FLII: variants seen among roughly 807,000 people sequenced by gnomAD.
The protein encoded by FLII is protein flightless-1 homolog.
Under a neutral mutation model 156.2 loss-of-function variants are expected in FLII, and 101 were observed. The ratio of observed to expected loss-of-function variants is 0.65; its 90% CI spans 0.55 to 0.76. The LOEUF is 0.76. Ranked by LOEUF, FLII falls within the 30% of genes least tolerant of loss-of-function variation. The probability of loss-of-function intolerance (pLI) is 0.00; values close to 1 mark genes in which losing one functional copy is unlikely to be tolerated. For synonymous variants in FLII, 767 were observed against 685.8 expected, an observed-to-expected ratio of 1.12 and a Z score of -1.85; for missense variants, 1,675 against 1,682.8, an observed-to-expected ratio of 1.00 and a Z score of 0.08.
At position 18,246,241 on chromosome 17, in the gene FLII, A is replaced by T; in HGVS notation, c.3207-19T>A. ...GATGCACCTGTGGAAGGGATGGGGC[A>T]TCAGCAAGGATTCAGGCCTGGCTCC... is the stretch of plus-strand genomic sequence containing the variant. On this transcript the variant is annotated intron_variant, in intron 24 of 29. Coordinates refer to ENST00000327031, the MANE Select transcript of FLII (RefSeq NM_002018.4). 1 of 1,614,148 alleles carries T rather than the reference A, an allele frequency of 6.2e-7. No individual in the cohort carries two copies. Among genetic ancestry groups the T allele is most frequent in the Non-Finnish European group, 8.5e-7 (1 of 1,180,022 alleles).
upstream of FLII, chr17:18,258,798 C>T (rs2048509487): frequency 9.3e-6 from 6 of 645,642 alleles, no homozygotes; most frequent in Non-Finnish European, 1.3e-5. The surrounding 1 kb of genome is among the most constrained non-coding windows in gnomAD (Gnocchi z 4.2). Flanking sequence ...TTAACCCGCC[C>T]GCGCCCGCCG....
At chr17:18,255,847 C>T (rs1293609016) in intron 3 of FLII, among the ~76,000 whole-genome samples, 1 of 152,232 alleles carries the variant, frequency 6.6e-6, no homozygotes, top group African/African-American at 2.4e-5. Context: ...GCTGCCCCTC[C>T]CAACCACTGC....
rs2048033365 is a variant in FLII, at chr17:18,245,970, G to A, written c.3360C>T (p.Ile1120=). ...DPDEAKLAED[I]LNTMFDTSYS... ...AGGAGGTGTCAAACATGGTGTTCAG[G>A]ATGTCTTCTGCCAACTTGGCTTCGT... Residue 1120 remains isoleucine, a synonymous_variant, in exon 26 of 30, where the codon ATC becomes ATT. Transcript: ENST00000327031. 2 of 1,613,942 alleles carry A rather than the reference G, an allele frequency of 1.2e-6. No homozygotes were observed. The highest frequency in any genetic ancestry group is 1.7e-6 in the Non-Finnish European group (2 of 1,179,996).
rs779710734 is a variant in FLII, at chr17:18,245,239, C to T, written c.3709G>A (p.Glu1237Lys). The change falls in exon 30 of 30, where the codon GAG becomes AAG. Residue 1237 changes from glutamate to lysine, a missense_variant. Physicochemically the swap from Glu to Lys is moderately conservative, Grantham distance 56. Coordinates refer to ENST00000327031, the MANE Select transcript of FLII (RefSeq NM_002018.4). ...YIQHMRSKEH[E>K]RPRRLRLVRK... ...ACCAGGCGCAGCCGGCGCGGCCGCTCATGTTCCTTGGACCGCATGTGCTGG... is the reference window on the plus strand; with the variant it reads ...ACCAGGCGCAGCCGGCGCGGCCGCTTATGTTCCTTGGACCGCATGTGCTGG... The T allele has an allele frequency of 3.7e-6, 6 of 1,613,766 alleles. No individual in the cohort carries two copies. The African/African-American group carries it at 5.3e-5, about 14-fold the overall frequency.
chr17:18,248,477 C>G, intron 18 of FLII, 73 bp downstream of exon 18: 2 of 1,400,730 alleles, frequency 1.4e-6, no homozygotes, highest in East Asian at 2.3e-5. Flanking sequence ...CCAACTACAT[C>G]GGTGTGTAGT....
intron 18 of FLII, among the ~76,000 whole-genome samples, chr17:18,248,297 C>A (rs2746025): frequency 0.28 from 42,472 of 152,062 alleles, 6,319 homozygotes; most frequent in Non-Finnish European, 0.34. Flanking sequence ...ATAATTGAGC[C>A]AAGGTTCCCA....
rs765050095 is a variant in FLII, at chr17:18,246,067, G to A, written c.3268-5C>T. 3 of 1,614,006 alleles carry A rather than the reference G, an allele frequency of 1.9e-6. No homozygotes were observed. The highest frequency in any genetic ancestry group is 1.3e-5 in the African/African-American group (1 of 74,900). ...GTCCTCACTCTCAAAGGGAACCTGG[G>A]GAGTGTGCAGGGGTGGGGGTGTTCG... On this transcript the variant is annotated splice_region_variant and splice_polypyrimidine_tract_variant and intron_variant, in intron 25 of 29. Coordinates refer to ENST00000327031, the MANE Select transcript of FLII (RefSeq NM_002018.4).
intron 1 of FLII, 169 bp from the exon 2 acceptor site, chr17:18,257,188 G>A: frequency 1.8e-6 from 1 of 547,190 alleles, no homozygotes; most frequent in South Asian, 2.3e-5. Flanking sequence ...CATAGAATGG[G>A]AATTTTAAGC....
rs750841385 is a variant in FLII at position 18,255,212 on chromosome 17, T to C, written c.298A>G (p.Ile100Val). The change falls in exon 4 of 30, where the codon ATC becomes GTC. Residue 100 changes from isoleucine (I) to valine (V), a missense_variant. Coordinates refer to ENST00000327031, the MANE Select transcript of FLII (RefSeq NM_002018.4). ...ACTGAGAGATCATCTAGCTTGAAGA[T>C]GTCATCGGGGACTCCGGAATTCTTC... ...SLKNSGVPDD[I>V]FKLDDLSVLD... 6.2e-7 allele frequency: 1 copy of C among 1,614,078 alleles called. No homozygotes were observed. The highest frequency in any genetic ancestry group is 1.1e-5 in the South Asian group (1 of 91,082).
In FLII at chr17:18,246,193, A is replaced by C. The variant is rs747337921; in HGVS notation, c.3236T>G (p.Leu1079Arg). Reference sequence around the variant, plus strand: ...GATGAAGCAGAACTCGGAGTTGAGGAGGCTGGAGTCGGTGTTGATCTGGAT... The same window carrying C: ...GATGAAGCAGAACTCGGAGTTGAGGCGGCTGGAGTCGGTGTTGATCTGGAT... ...RCIQINTDSS[L>R]LNSEFCFILK... Residue 1079 changes from leucine to arginine, a missense_variant, in exon 25 of 30, where the codon CTC (leucine) becomes CGC (arginine). Physicochemically the swap from Leu to Arg is moderately radical, Grantham distance 102. Coordinates refer to ENST00000327031, the MANE Select transcript of FLII (RefSeq NM_002018.4). The C allele has an allele frequency of 2.5e-6, 4 of 1,614,102 alleles. No homozygotes were observed. The East Asian group carries it at 8.9e-5, about 36-fold the overall frequency.
At chr17:18,248,314 G>A (rs2142814465) in intron 18 of FLII, among the ~76,000 whole-genome samples, 1 of 152,192 alleles carries the variant, frequency 6.6e-6, no homozygotes, top group Non-Finnish European at 1.5e-5. Flanking sequence ...CCCAGCCCTG[G>A]CACTAGGTGC....
At chr17:18,255,465 C>T (rs898678996) in intron 3 of FLII, among the ~76,000 whole-genome samples, 1 of 152,160 alleles carries the variant, frequency 6.6e-6, no homozygotes, top group African/African-American at 2.4e-5. Flanking sequence ...CCTCAAAGCC[C>T]AGCTCAAATG....
At chr17:18,252,697 C>T in intron 9 of FLII, 141 bp from the exon 10 acceptor site, 1 of 675,102 alleles carries the variant, frequency 1.5e-6, no homozygotes, top group South Asian at 1.7e-5. Context: ...TGAAGGACTT[C>T]TCAGAGCCAA....
intron 1 of FLII, among the ~76,000 whole-genome samples, chr17:18,257,957 C>T (rs1408136986): frequency 1.3e-5 from 2 of 152,210 alleles, no homozygotes; most frequent in Non-Finnish European, 1.5e-5. Context: ...CCCGCCGCCC[C>T]ACCCACTGGC....
Position 18,252,068 on chromosome 17 carries a change from C to A in FLII, c.1177G>T (p.Asp393Tyr). 6.2e-7 allele frequency: 1 copy of A among 1,613,388 alleles called. No individual in the cohort carries two copies. Among genetic ancestry groups the A allele is most frequent in the Non-Finnish European group, 8.5e-7 (1 of 1,180,030 alleles). Residue 393 changes from aspartate to tyrosine, a missense_variant, in exon 11 of 30, where the codon GAC becomes TAC. This residue lies in a region of FLII where 1,332 missense variants were observed against 1,269.3 expected (regional missense o/e 1.05). Coordinates refer to ENST00000327031, the MANE Select transcript of FLII (RefSeq NM_002018.4). ...ADRAAEWYNIDFSLQNQLRLA... is the reference protein window; with the variant it reads ...ADRAAEWYNIYFSLQNQLRLA... ...CGCAGCTGGTTCTGCAGCGAGAAGT[C>A]GATGTTGTACCACTCAGCGGCACGG...
At position 18,249,447 on chromosome 17, in the gene FLII, C is replaced by T. The variant is rs1406232042; in HGVS notation, c.1777-39G>A. 2.6e-6 allele frequency: 4 copies of T among 1,533,174 alleles called. No homozygotes were observed. The South Asian group carries it at 3.4e-5, about 13-fold the overall frequency. The allele number at this position is 1,533,174 out of a possible 1,614,324, so 95.0% of individuals were successfully genotyped here. ...GGTGTGGTTCTTCATCACTGAGCTG[C>T]CCCCTCCCCCACCAACCACTGCCCC... On this transcript the variant is annotated intron_variant, in intron 14 of 29. Transcript: ENST00000327031.
Position 18,246,874 on chromosome 17 carries a change from C to T in FLII, c.2816+39G>A, listed in dbSNP as rs147109903. On this transcript the variant is annotated intron_variant, in intron 22 of 29. Transcript: ENST00000327031. ...GAGCAGGGGCTCGAGCCCCCAGCAC[C>T]AGGGGAGGGACTTGGGGAAGGGAGT... is the stretch of plus-strand genomic sequence containing the variant. The T allele has an allele frequency of 3.1e-6, 5 of 1,614,028 alleles. No individual in the cohort carries two copies. In the South Asian group the frequency reaches 4.4e-5, roughly 14 times the overall value.
At chr17:18,257,736 G>A (rs1203830218) in intron 1 of FLII, among the ~76,000 whole-genome samples, 1 of 152,236 alleles carries the variant, frequency 6.6e-6, no homozygotes, top group Non-Finnish European at 1.5e-5. Context: ...GTAGCCACTT[G>A]TACTTGGGGT....
At chr17:18,255,052 GT>G (rs974010641) in intron 4 of FLII, 130 bp downstream of exon 4, 40 of 926,050 alleles carry the variant, frequency 4.3e-5, no homozygotes, top group Middle Eastern at 4.8e-4. Context: ...CTCAGGCAAG[GT>G]ATTATCCACT....
Sources: gnomAD v4.1 joint callset for allele counts (sites outside exome capture counted in the v4.1 genomes callset) on GRCh38, gnomAD v4.1.1 for gene constraint, gnomAD v4.1.1 regional missense constraint, Gnocchi (gnomAD v3.1) non-coding constraint, MANE v1.5 for transcripts, NCBI Gene and HGNC (gene_info 2026-07-23, HGNC 2026-07-21) for gene names.